The following EXPH5 variants were observed in gnomAD, a reference collection of about 807,000 sequenced individuals.
The protein encoded by EXPH5 is exophilin-5.
EXPH5 carries 42 observed loss-of-function variants against 41.1 expected under a neutral mutation model. The ratio of observed to expected loss-of-function variants is 1.02; its 90% confidence interval spans 0.80 to 1.32. EXPH5 has a LOEUF of 1.32. Ranked by LOEUF, EXPH5 falls within the 40% of genes most tolerant of loss-of-function variation. The pLI is 0.00. For missense variants in EXPH5, 2,298 were observed against 2,314.5 expected, an observed-to-expected ratio of 0.99 and a Z score of 0.15; for synonymous variants, 798 against 833.5, an observed-to-expected ratio of 0.96 and a Z score of 0.73.
At chr11:108,585,359 G>A (rs1401584461) in intron 1 of EXPH5, among the ~76,000 whole-genome samples, 3 of 152,172 alleles carry the variant, frequency 2.0e-5, no homozygotes, top group Admixed American at 6.5e-5. Flanking sequence ...AGTAAGGGAT[G>A]GGGCCTTTGG....
chr11:108,604,746 G>C, the EXPH5 span, among the ~76,000 whole-genome samples: 7 of 152,132 alleles, frequency 4.6e-5, no homozygotes, highest in Non-Finnish European at 1.0e-4. Flanking sequence ...AGGGTCCTGA[G>C]ACCCCAGGGT....
At chr11:108,549,109 C>T (rs953922286) in intron 1 of EXPH5, among the ~76,000 whole-genome samples, 41 of 152,374 alleles carry the variant, frequency 2.7e-4, no homozygotes, top group African/African-American at 8.2e-4. Flanking sequence ...GAATGACATA[C>T]ATACAGGGAA....
At chr11:108,604,691 TG>T in the EXPH5 span, among the ~76,000 whole-genome samples, 2 of 151,854 alleles carry the variant, frequency 1.3e-5, no homozygotes, top group Admixed American at 6.6e-5. Flanking sequence ...GTCAGAAAAG[TG>T]GTCTGGAAGT....
chr11:108,591,906 C>A (rs779233233), intron 1 of EXPH5, among the ~76,000 whole-genome samples: 1 of 152,220 alleles, frequency 6.6e-6, no homozygotes, highest in South Asian at 2.1e-4. Flanking sequence ...CCCTCAATTT[C>A]CCCAAATATA....
chr11:108,537,759 G>A (rs768151669), intron 3 of EXPH5, among the ~76,000 whole-genome samples: 2 of 152,178 alleles, frequency 1.3e-5, no homozygotes, highest in African/African-American at 4.8e-5. Flanking sequence ...GATATTAGAT[G>A]GTTCAGCTAT....
At chr11:108,603,201 G>A in the EXPH5 span, among the ~76,000 whole-genome samples, 2 of 152,168 alleles carry the variant, frequency 1.3e-5, no homozygotes, top group East Asian at 1.9e-4. Context: ...CCAGTCTCAG[G>A]TAGTTCTTTA....
chr11:108,511,331 T>G lies in EXPH5; in HGVS notation c.4176A>C (p.Glu1392Asp), dbSNP rs1178260362. 2 of 1,583,298 alleles carry G rather than the reference T, an allele frequency of 1.3e-6. No homozygotes were observed. Among genetic ancestry groups the G allele is most frequent in the South Asian group, 2.4e-5 (2 of 84,844 alleles). Residue 1392 changes from glutamate (E) to aspartate (D), a missense_variant, in exon 6 of 6, where the codon GAA becomes GAC. Glu to Asp is a conservative substitution (Grantham distance 45, BLOSUM62 2). Transcript: ENST00000265843. ...KKERGKKLQSETLHTSLMLQR... is the reference protein window; with the variant it reads ...KKERGKKLQSDTLHTSLMLQR... Reference sequence around the variant, plus strand: ...GAAGCATCAATGAAGTATGCAGGGTTTCACTTTGCAACTTTTTGCCTCTTT... The same window carrying G: ...GAAGCATCAATGAAGTATGCAGGGTGTCACTTTGCAACTTTTTGCCTCTTT...
chr11:108,587,173 G>A (rs565310659), intron 1 of EXPH5, among the ~76,000 whole-genome samples: 1 of 152,258 alleles, frequency 6.6e-6, no homozygotes, highest in East Asian at 1.9e-4. Context: ...TGCACAATGT[G>A]CAGGTTAGTT....
At chr11:108,587,361 C>G (rs946098360) in intron 1 of EXPH5, among the ~76,000 whole-genome samples, 1 of 152,248 alleles carries the variant, frequency 6.6e-6, no homozygotes, top group Admixed American at 6.5e-5. Context: ...CTTCACCTGA[C>G]TTTCTTTCGC....
chr11:108,598,689 G>C (rs865958572), upstream of EXPH5, among the ~76,000 whole-genome samples: 1 of 152,058 alleles, frequency 6.6e-6, no homozygotes, highest in Non-Finnish European at 1.5e-5. Context: ...TTTCCAAGCA[G>C]AGGCAAGTGC....
At chr11:108,566,688 AAAATAAAT>A (rs377605975) in intron 1 of EXPH5, among the ~76,000 whole-genome samples, 2 of 151,926 alleles carry the variant, frequency 1.3e-5, no homozygotes, top group Non-Finnish European at 2.9e-5. Context: ...CCCCATCTCT[AAAATAAAT>A]AAATAAATAA....
chr11:108,540,045 C>T (rs947738705), intron 2 of EXPH5, among the ~76,000 whole-genome samples: 2 of 152,034 alleles, frequency 1.3e-5, no homozygotes, highest in Non-Finnish European at 2.9e-5. Flanking sequence ...TGGCCAGGCA[C>T]GGTAGCTCAC....
intron 1 of EXPH5, among the ~76,000 whole-genome samples, chr11:108,575,203 A>T (rs188735467): frequency 2.0e-5 from 3 of 152,200 alleles, no homozygotes; most frequent in Admixed American, 6.5e-5. Flanking sequence ...ATGAAGCATA[A>T]TTTTTTTTCC....
rs1245811767 is a variant in EXPH5, at chr11:108,509,979, T to C, written c.5528A>G (p.Asn1843Ser). ...AGATCTGAATCTTCGACTGTACCCA[T>C]TGTTGACAGAGAATTCATTCCCAAG... ...LTLGNEFSVN[N>S]GYSRRFRSFS... Residue 1843 changes from asparagine to serine, a missense_variant, in exon 6 of 6, where the codon AAT becomes AGT. Physicochemically the swap from Asn to Ser is conservative, Grantham distance 46. Transcript: ENST00000265843. 16 of 1,613,740 alleles carry C rather than the reference T, an allele frequency of 9.9e-6. No homozygotes were observed. The highest frequency in any genetic ancestry group is 1.3e-5 in the Non-Finnish European group (15 of 1,179,910).
intron 1 of EXPH5, among the ~76,000 whole-genome samples, chr11:108,584,440 C>T (rs969924013): frequency 6.6e-6 from 1 of 151,462 alleles, no homozygotes; most frequent in East Asian, 1.9e-4. Flanking sequence ...ATTGTGCCAC[C>T]GCACTCCAGC....
Position 108,514,679 on chromosome 11 carries a change from T to C in EXPH5, c.828A>G (p.Arg276=). The change falls in exon 6 of 6, where the codon AGA becomes AGG. Residue 276 remains arginine, a synonymous_variant. Transcript: ENST00000265843. ...TSNMSIYDIL[R]PGTPREGFKT... ...TAAAACCTTCCCTAGGAGTTCCTGG[T>C]CTTAGGATGTCATAGATAGACATAT... is the stretch of plus-strand genomic sequence containing the variant. 1 of 1,603,218 alleles carries C rather than the reference T, an allele frequency of 6.2e-7. No individual in the cohort carries two copies. The highest frequency in any genetic ancestry group is 1.1e-5 in the South Asian group (1 of 88,544).
At chr11:108,520,270 G>A (rs909168093) in intron 4 of EXPH5, among the ~76,000 whole-genome samples, 19 of 152,124 alleles carry the variant, frequency 1.2e-4, no homozygotes, top group Non-Finnish European at 1.5e-5. Context: ...CTGATGATCA[G>A]AGGTGGAACA....
chr11:108,512,651 T>C lies in EXPH5; in HGVS notation c.2856A>G (p.Thr952=), dbSNP rs1205265896. The C allele has an allele frequency of 1.2e-6, 2 of 1,614,144 alleles. No individual in the cohort carries two copies. The highest frequency in any genetic ancestry group is 1.7e-6 in the Non-Finnish European group (2 of 1,180,016). ...NQERNDSPVP[T]HDEVVDVKCH... ...ATTTGACATCAACCACTTCATCATGTGTAGGCACAGGACTATCATTTCTCT... is the reference window on the plus strand; with the variant it reads ...ATTTGACATCAACCACTTCATCATGCGTAGGCACAGGACTATCATTTCTCT... The change falls in exon 6 of 6, where the codon ACA becomes ACG. Residue 952 remains threonine, a synonymous_variant. Coordinates refer to ENST00000265843, the MANE Select transcript of EXPH5 (RefSeq NM_015065.3).
intron 1 of EXPH5, among the ~76,000 whole-genome samples, chr11:108,586,811 A>G (rs80056282): frequency 0.012 from 1,779 of 151,892 alleles, 32 homozygotes; most frequent in African/African-American, 0.041. Context: ...AAAGCCTAAC[A>G]CACCATGGAA....
Sources: allele counts gnomAD v4.1 joint callset (sites outside exome capture counted in the v4.1 genomes callset), GRCh38; gene constraint gnomAD v4.1.1; transcripts MANE v1.5; gene names NCBI Gene and HGNC (gene_info 2026-07-23, HGNC 2026-07-21).